LLGL2: variants seen among roughly 807,000 people sequenced by gnomAD.
LLGL2 encodes the protein LLGL2, scribble cell polarity complex component.
LLGL2 carries 81 observed loss-of-function variants against 123.2 expected under a neutral mutation model. The observed-to-expected ratio is 0.66, with a 90% confidence interval of 0.55 to 0.79. The LOEUF is 0.79. Ranked by LOEUF, LLGL2 falls within the 30% of genes least tolerant of loss-of-function variation. The pLI is 0.00. For missense variants in LLGL2, 1,273 were observed against 1,414.6 expected (o/e 0.90, Z 1.61); for synonymous variants, 577 against 594.1 (o/e 0.97, Z 0.42).
chr17:75,573,656 T>TGGCC, intron 21 of LLGL2, 25 bp downstream of exon 21: 10 of 1,429,040 alleles, frequency 7.0e-6, no homozygotes, highest in Non-Finnish European at 8.4e-6. Context: ...CAGAGGCCTC[T>TGGCC]CCCGCCCCTC....
Position 75,556,118 on chromosome 17 carries a change from G to T in LLGL2, c.148G>T (p.Gly50Cys), listed in dbSNP as rs761967911. The T allele has an allele frequency of 1.9e-6, 3 of 1,610,116 alleles. No individual in the cohort carries two copies. The Admixed American group carries it at 5.0e-5, about 27-fold the overall frequency. ...CCCGTCCCTGCGCATCCTGGCCATC[G>T]GCACCCGTTCTGGAGCCATCAAGCT... Reference protein sequence around the residue: ...YSPSLRILAIGTRSGAIKLYG... With the variant: ...YSPSLRILAICTRSGAIKLYG... Residue 50 changes from glycine (G) to cysteine (C), a missense_variant, in exon 3 of 26, where the codon GGC becomes TGC. Gly to Cys is a radical substitution (Grantham distance 159). Coordinates refer to ENST00000392550, the MANE Select transcript of LLGL2 (RefSeq NM_001031803.2).
At chr17:75,570,900 C>G in intron 16 of LLGL2, 50 bp from the exon 17 acceptor site, 1 of 1,548,244 alleles carries the variant, frequency 6.5e-7, no homozygotes, top group Non-Finnish European at 8.7e-7. Context: ...AGCACTGTTC[C>G]TGGGGAGGGG....
rs144856011 is a variant in LLGL2 at position 75,570,154 on chromosome 17, C to T, written c.1773C>T (p.Val591=). Residue 591 remains valine (V), a synonymous_variant, in exon 15 of 26, where the codon GTC becomes GTT. Transcript: ENST00000392550. The part of the protein sequence containing the change: ...VLVQCQPPAV[V]TSLALHSEWR... Reference sequence around the variant, plus strand: ...TGCAGTGTCAGCCCCCGGCTGTGGTCACCTCCTTGGCCCTGCACTCTGAGT... The same window carrying T: ...TGCAGTGTCAGCCCCCGGCTGTGGTTACCTCCTTGGCCCTGCACTCTGAGT... The T allele has an allele frequency of 7.2e-5, 115 of 1,591,598 alleles. No homozygotes were observed. In the African/African-American group the frequency reaches 1.5e-3, roughly 21 times the overall value.
At position 75,574,575 on chromosome 17, in the gene LLGL2, C is replaced by G. The variant is rs775294112; in HGVS notation, c.2997-35C>G. The G allele has an allele frequency of 1.9e-6, 3 of 1,608,528 alleles. No individual in the cohort carries two copies. In the Admixed American group the frequency reaches 5.1e-5, roughly 27 times the overall value. On this transcript the variant is annotated intron_variant, in intron 24 of 25. Transcript: ENST00000392550. ...AGGGGAGCGCTGAGAGTGGAGGTCC[C>G]TGAGGCCATGACTCCCCTGTCTTTG...
chr17:75,558,609 C>T lies in LLGL2; in HGVS notation c.353C>T (p.Thr118Ile). 1 of 1,606,870 alleles carries T rather than the reference C, an allele frequency of 6.2e-7. No homozygotes were observed. The highest frequency in any genetic ancestry group is 8.5e-7 in the Non-Finnish European group (1 of 1,176,902). ...ASELQEDESF[T>I]LRGPPGAAPS... is the part of the protein sequence containing the mutation. ...GAGCTGCAGGAGGATGAGAGCTTCA[C>T]ACTGCGTGGACCCCCAGGGTAAGGG... The change falls in exon 5 of 26, where the codon ACA becomes ATA. Residue 118 changes from threonine (T) to isoleucine (I), a missense_variant. Physicochemically the swap from Thr to Ile is moderately conservative, Grantham distance 89. Coordinates refer to ENST00000392550, the MANE Select transcript of LLGL2 (RefSeq NM_001031803.2). The surrounding 1 kb of genome is among the most constrained non-coding windows in gnomAD (Gnocchi z 4.0).
chr17:75,534,006 G>A (rs138986374), intron 1 of LLGL2, among the ~76,000 whole-genome samples: 717 of 151,254 alleles, frequency 4.7e-3, no homozygotes, highest in Non-Finnish European at 7.5e-3. Flanking sequence ...TGGGACAGCT[G>A]TTCCAGTTTT....
At chr17:75,555,629 CG>C (rs2054875389) in intron 2 of LLGL2, among the ~76,000 whole-genome samples, 1 of 152,030 alleles carries the variant, frequency 6.6e-6, no homozygotes, top group South Asian at 2.1e-4. Flanking sequence ...CCCGGAGCTG[CG>C]GTGCAACCAA....
rs745721034 is a variant in LLGL2, at chr17:75,569,250, C to T, written c.1506C>T (p.Asp502=). ...GCTCCTTTGACCCCTACAGTGATGA[C>T]CCCCGGCTGGGCATCCAGAAGATCT... is the stretch of plus-strand genomic sequence containing the variant. ...KVGSFDPYSD[D]PRLGIQKIFL... The change falls in exon 14 of 26, where the codon GAC becomes GAT. Residue 502 remains aspartate, a synonymous_variant. Coordinates refer to ENST00000392550, the MANE Select transcript of LLGL2 (RefSeq NM_001031803.2). 1.2e-6 allele frequency: 2 copies of T among 1,613,542 alleles called. No individual in the cohort carries two copies. The highest frequency in any genetic ancestry group is 2.2e-5 in the South Asian group (2 of 91,080).
At chr17:75,555,137 A>G (rs796448688) in intron 2 of LLGL2, among the ~76,000 whole-genome samples, 1 of 151,060 alleles carries the variant, frequency 6.6e-6, no homozygotes, top group South Asian at 2.1e-4. Flanking sequence ...AGATCGCACC[A>G]CTGCACTCCA....
rs116971898 is a variant in LLGL2 at position 75,530,894 on chromosome 17, G to A, written c.-31+5069G>A. ...AATTGAGGGCAGCAGTGGAGGGCGC[G>A]GCTTCTCCTAAATGGACCTTGCATT... On this transcript the variant is annotated intron_variant, in intron 1 of 25. Transcript: ENST00000392550. 7.2e-5 allele frequency among the ~76,000 whole-genome samples: 11 copies of A among 152,294 alleles called. No homozygotes were observed. In the East Asian group the frequency reaches 1.7e-3, roughly 24 times the overall value.
upstream of LLGL2, among the ~76,000 whole-genome samples, chr17:75,525,439 G>A (rs2147026638): frequency 6.6e-6 from 1 of 152,082 alleles, no homozygotes; most frequent in African/African-American, 2.4e-5. This position sits in a 1 kb window ranked among gnomAD's most constrained non-coding sequence, Gnocchi z 4.8. Context: ...GGGAGGCGGC[G>A]GGACACTGGG....
chr17:75,547,178 G>T (rs867250697), intron 2 of LLGL2, among the ~76,000 whole-genome samples: 1 of 152,262 alleles, frequency 6.6e-6, no homozygotes, highest in Non-Finnish European at 1.5e-5. Flanking sequence ...CGCCCCGGGG[G>T]TCCTGAGAGG....
intron 14 of LLGL2, 55 bp downstream of exon 14, chr17:75,569,380 A>G: frequency 7.1e-7 from 1 of 1,410,552 alleles, no homozygotes; most frequent in South Asian, 1.2e-5. Flanking sequence ...ATGACTGGGG[A>G]CAGCAGGGAC....
At chr17:75,565,895 G>A (rs1194902266) in intron 10 of LLGL2, among the ~76,000 whole-genome samples, 2 of 152,212 alleles carry the variant, frequency 1.3e-5, no homozygotes, top group Non-Finnish European at 2.9e-5. Flanking sequence ...GCCAGGCCCT[G>A]TTCTAGAAAC....
chr17:75,564,716 T>G lies in LLGL2; in HGVS notation c.1036+209T>G. The stretch of plus-strand genomic sequence containing the variant: ...TTGTCTCTACAAAAAATAAAAAAAT[T>G]AGCCAGGTGTTGTGGCACGTACCTG... On this transcript the variant is annotated intron_variant, in intron 10 of 25. Coordinates refer to ENST00000392550, the MANE Select transcript of LLGL2 (RefSeq NM_001031803.2). This position sits in a 1 kb window ranked among gnomAD's most constrained non-coding sequence, Gnocchi z 4.9. The G allele has an allele frequency of 1.3e-6, 1 of 747,204 alleles. No homozygotes were observed. The allele number at this position is 747,204 out of a possible 1,614,324, so 46.3% of individuals were successfully genotyped here.
At chr17:75,529,236 G>A (rs116429274) in intron 1 of LLGL2, among the ~76,000 whole-genome samples, 14,221 of 151,138 alleles carry the variant, frequency 0.094, 714 homozygotes, top group African/African-American at 0.11. Flanking sequence ...CTCCTCTGTC[G>A]CCCAGGATGG....
chr17:75,545,237 T>TC (rs2054372730), intron 2 of LLGL2, among the ~76,000 whole-genome samples: 1 of 152,096 alleles, frequency 6.6e-6, no homozygotes, highest in Non-Finnish European at 1.5e-5. Context: ...AACTTGATTG[T>TC]CCCACTCCCA....
In LLGL2 at chr17:75,564,136, C is replaced by G. The variant is rs2055345894; in HGVS notation, c.882-217C>G. ...AAACAGAATTGGTGGGGGCACCCAG[C>G]ATGAGGCAGGAGTGGCTGCTGAGAC... On this transcript the variant is annotated intron_variant, in intron 9 of 25. Coordinates refer to ENST00000392550, the MANE Select transcript of LLGL2 (RefSeq NM_001031803.2). This position sits in a 1 kb window ranked among gnomAD's most constrained non-coding sequence, Gnocchi z 4.9. Among the ~76,000 whole-genome samples the G allele has an allele frequency of 6.6e-6, 1 of 152,226 alleles. No homozygotes were observed. Among genetic ancestry groups the G allele is most frequent in the Non-Finnish European group, 1.5e-5 (1 of 68,032 alleles).
chr17:75,573,889 AG>A (rs2055848678), intron 21 of LLGL2, 62 bp from the exon 22 acceptor site: 1 of 1,524,446 alleles, frequency 6.6e-7, no homozygotes, highest in East Asian at 2.5e-5. Context: ...TCATGGGACC[AG>A]GGCTCTCAGA....
Sources: gnomAD v4.1 joint callset for allele counts (sites outside exome capture counted in the v4.1 genomes callset) on GRCh38, gnomAD v4.1.1 for gene constraint, Gnocchi (gnomAD v3.1) non-coding constraint, MANE v1.5 for transcripts, NCBI Gene and HGNC (gene_info 2026-07-23, HGNC 2026-07-21) for gene names.